Variants in PPP2R2C observed in about 807,000 individuals in gnomAD.
The protein encoded by PPP2R2C is protein phosphatase 2, regulatory subunit B, gamma.
A neutral mutation model predicts 45.3 loss-of-function variants in PPP2R2C; 10 were observed. The observed-to-expected ratio is 0.22, with a 90% CI of 0.14 to 0.37. PPP2R2C has a LOEUF of 0.37. Ranked by LOEUF, PPP2R2C falls within the 10% of genes least tolerant of loss-of-function variation. PPP2R2C has a pLI of 1.00. For synonymous variants in PPP2R2C, 257 were observed against 245.4 expected, an observed-to-expected ratio of 1.05 and a Z score of -0.44; for missense variants, 308 against 619.7, an observed-to-expected ratio of 0.50 and a Z score of 5.34.
rs1553905391 is a variant in PPP2R2C at position 6,510,980 on chromosome 4, C to CAAACA, written c.49+24290_49+24291insTGTTT. Among the ~76,000 whole-genome samples the CAAACA allele has an allele frequency of 9.7e-5, 4 of 41,392 alleles. No individual in the cohort carries two copies. In the East Asian group the frequency reaches 2.7e-3, roughly 28 times the overall value. 27.2% of individuals were successfully genotyped at this position (41,392 alleles called of 152,430 possible). A position where few individuals can be genotyped will look rare whatever the true frequency, so the allele number is the denominator to read the frequency against. On this transcript the variant is annotated intron_variant, in intron 2 of 9. Transcript: ENST00000506140. ...CAACAGAGTGAGACTCCGTCTCAAA[C>CAAACA]AAAAAAAAACAAACAAACAAAAAAA...
rs114784170 is a variant in PPP2R2C at position 6,509,522 on chromosome 4, G to A, written c.49+25749C>T. On this transcript the variant is annotated intron_variant, in intron 2 of 9. Transcript: ENST00000506140. ...GTGAGGAGGTAAACCTTTACACCAG[G>A]GGAAATGGTGTGTTTAATAAATCTG... Among the ~76,000 whole-genome samples the A allele has an allele frequency of 2.5e-3, 374 of 152,192 alleles. 1 individual carries two copies. Among genetic ancestry groups the A allele is most frequent in the African/African-American group, 8.3e-3 (344 of 41,524 alleles).
chr4:6,431,546 G>A (rs1211500542), intron 1 of PPP2R2C, among the ~76,000 whole-genome samples: 3 of 152,168 alleles, frequency 2.0e-5, no homozygotes, highest in Non-Finnish European at 4.4e-5. Context: ...TCCCCAAGGG[G>A]CTAAGTCCAA....
At chr4:6,386,219 TC>T (rs1716198585) in intron 1 of PPP2R2C, among the ~76,000 whole-genome samples, 2 of 152,216 alleles carry the variant, frequency 1.3e-5, no homozygotes, top group Admixed American at 1.3e-4. Context: ...GCGTTGGCTT[TC>T]CTGGTCTCAT....
chr4:6,464,975 T>C (rs1364596772), intron 1 of PPP2R2C, among the ~76,000 whole-genome samples: 3 of 152,020 alleles, frequency 2.0e-5, no homozygotes, highest in Non-Finnish European at 4.4e-5. Context: ...AAATGATTAA[T>C]TGAACTACTG....
At chr4:6,340,164 CA>C (rs141607800) in intron 6 of PPP2R2C, among the ~76,000 whole-genome samples, 2 of 152,084 alleles carry the variant, frequency 1.3e-5, no homozygotes, top group East Asian at 1.9e-4. Flanking sequence ...CCCCATCAAA[CA>C]AAAAACTCAA....
At position 6,384,050 on chromosome 4, in the gene PPP2R2C, C is replaced by G. The variant is rs1164572693; in HGVS notation, c.71-2956G>C. On this transcript the variant is annotated intron_variant, in intron 1 of 8. Coordinates refer to ENST00000382599, the MANE Select transcript of PPP2R2C (RefSeq NM_020416.4). ...AAAAGACAAGATAAGAAAAGCAGCT[C>G]TGTGGGAACACGGAAACGCCCACCG... 3 of 985,450 alleles carry G rather than the reference C, an allele frequency of 3.0e-6. No homozygotes were observed. The African/African-American group carries it at 5.2e-5, about 17-fold the overall frequency. The allele number at this position is 985,450 out of a possible 1,614,324, so 61.0% of individuals were successfully genotyped here. A position where few individuals can be genotyped will look rare whatever the true frequency, so the allele number is the denominator to read the frequency against.
chr4:6,549,209 T>C (rs1725097591), intron 1 of PPP2R2C, among the ~76,000 whole-genome samples: 1 of 152,128 alleles, frequency 6.6e-6, no homozygotes, highest in Non-Finnish European at 1.5e-5. Flanking sequence ...CCATGCCCCA[T>C]ACAGCAGGCA....
chr4:6,562,176 A>G (rs1725597807), intron 1 of PPP2R2C, among the ~76,000 whole-genome samples: 1 of 152,118 alleles, frequency 6.6e-6, no homozygotes, highest in African/African-American at 2.4e-5. Context: ...GCGGGGGACA[A>G]TGAGACTGAG....
At chr4:6,478,682 A>C (rs888938200) in intron 2 of PPP2R2C, among the ~76,000 whole-genome samples, 3 of 152,196 alleles carry the variant, frequency 2.0e-5, no homozygotes, top group Admixed American at 2.0e-4. Context: ...AGGTGACTTC[A>C]TTCTGTCCTC....
chr4:6,559,970 C>T (rs1013125525), intron 1 of PPP2R2C, among the ~76,000 whole-genome samples: 8 of 152,280 alleles, frequency 5.3e-5, no homozygotes, highest in Non-Finnish European at 1.2e-4. Flanking sequence ...CATCCATTCA[C>T]TCCTCAAACA....
At chr4:6,538,043 T>C (rs546880134) in intron 1 of PPP2R2C, among the ~76,000 whole-genome samples, 10 of 152,278 alleles carry the variant, frequency 6.6e-5, no homozygotes, top group African/African-American at 2.2e-4. Flanking sequence ...TGGAGATGGT[T>C]GCACGACAAT....
At chr4:6,502,462 C>T (rs961614039) in intron 2 of PPP2R2C, among the ~76,000 whole-genome samples, 1 of 152,032 alleles carries the variant, frequency 6.6e-6, no homozygotes, top group African/African-American at 2.4e-5. Flanking sequence ...CCCTGCCCTC[C>T]TTCCCTTCTT....
intron 2 of PPP2R2C, among the ~76,000 whole-genome samples, chr4:6,508,067 C>G (rs1023187578): frequency 6.6e-6 from 1 of 152,142 alleles, no homozygotes; most frequent in African/African-American, 2.4e-5. Context: ...TTCAGGCCAG[C>G]CTAGGCTACA....
Position 6,516,536 on chromosome 4 carries a change from T to G in PPP2R2C, c.49+18735A>C, listed in dbSNP as rs374756144. ...AGGCCATCCGTCCATCTGTCCACCC[T>G]GCCCCAGGTGTGGGCAGTACTGCCG... On this transcript the variant is annotated intron_variant, in intron 2 of 9. Transcript: ENST00000506140. Among the ~76,000 whole-genome samples, 31 of 152,332 alleles carry G rather than the reference T, an allele frequency of 2.0e-4. No individual in the cohort carries two copies. In the East Asian group the frequency reaches 2.9e-3, roughly 14 times the overall value.
chr4:6,468,078 T>A (rs983579742), intron 1 of PPP2R2C, among the ~76,000 whole-genome samples: 3 of 152,178 alleles, frequency 2.0e-5, no homozygotes, highest in African/African-American at 7.2e-5. Context: ...ACCATATGTG[T>A]TCTCCTTGGA....
chr4:6,540,976 C>T (rs1272613464), intron 1 of PPP2R2C, among the ~76,000 whole-genome samples: 2 of 152,250 alleles, frequency 1.3e-5, no homozygotes, highest in Non-Finnish European at 2.9e-5. Context: ...CTATCTGCTT[C>T]TCCATCCATA....
chr4:6,402,165 T>C (rs1717460530), intron 1 of PPP2R2C, among the ~76,000 whole-genome samples: 1 of 152,208 alleles, frequency 6.6e-6, no homozygotes, highest in Non-Finnish European at 1.5e-5. Flanking sequence ...ACTGTGATCT[T>C]CAAGTTTCGA....
chr4:6,474,891 A>G (rs1047123905), upstream of PPP2R2C, among the ~76,000 whole-genome samples: 10 of 146,640 alleles, frequency 6.8e-5, no homozygotes, highest in Non-Finnish European at 1.5e-5. Context: ...CCTCATCTGT[A>G]TCTGCACACA....
intron 1 of PPP2R2C, among the ~76,000 whole-genome samples, chr4:6,440,162 T>C (rs543189145): frequency 1.3e-5 from 2 of 152,280 alleles, no homozygotes; most frequent in South Asian, 4.1e-4. Context: ...GGTATGACCA[T>C]AGGGACCAAG....
Sources: gnomAD v4.1 joint callset for allele counts (sites outside exome capture counted in the v4.1 genomes callset) on GRCh38, gnomAD v4.1.1 for gene constraint, MANE v1.5 for transcripts, NCBI Gene and HGNC (gene_info 2026-07-23, HGNC 2026-07-21) for gene names.